CSMD1: variants seen among roughly 807,000 people sequenced by gnomAD.
CSMD1 encodes CUB and Sushi multiple domains 1.
In CSMD1, 213 loss-of-function variants were observed where a neutral mutation model predicts 417.5. The ratio of observed to expected loss-of-function variants is 0.51; its 90% confidence interval spans 0.46 to 0.57. CSMD1 has a LOEUF of 0.57. Among genes scored for constraint, CSMD1 ranks in the 20% least tolerant of loss-of-function variants. The pLI is 0.00. For synonymous variants in CSMD1, 2,862 were observed against 1,736.8 expected (o/e 1.65, Z -16.11); for missense variants, 6,923 against 4,529.7 (o/e 1.53, Z -15.17).
chr8:4,365,530 G>A (rs187049946), intron 3 of CSMD1, among the ~76,000 whole-genome samples: 1 of 152,298 alleles, frequency 6.6e-6, no homozygotes, highest in East Asian at 1.9e-4. Context: ...TAAATTCCCT[G>A]TGATATCAGA....
At chr8:4,251,855 ATGGAGGAGAGAGAGGG>A (rs1366208216) in intron 3 of CSMD1, among the ~76,000 whole-genome samples, 1 of 132,790 alleles carries the variant, frequency 7.5e-6, no homozygotes, top group Non-Finnish European at 1.6e-5. Flanking sequence ...AGGAGGAGAG[ATGGAGGAGAGAGAGGG>A]TGGAGGAAGA....
At chr8:3,584,011 C>T (rs1199908107) in intron 9 of CSMD1, among the ~76,000 whole-genome samples, 1 of 152,008 alleles carries the variant, frequency 6.6e-6, no homozygotes, top group Admixed American at 6.6e-5. Flanking sequence ...TAGTAAAACC[C>T]ATCCACTATA....
Position 3,289,278 on chromosome 8 carries a change from T to A in CSMD1, c.3951-4932A>T, listed in dbSNP as rs1212048794. On this transcript the variant is annotated intron_variant, in intron 25 of 69. Coordinates refer to ENST00000635120, the MANE Select transcript of CSMD1 (RefSeq NM_033225.6). Reference sequence around the variant, plus strand: ...TCTTTGCTATTGTGAATAGTGCCGCTATAAACATACGTGTGCATGTGTCTT... The same window carrying A: ...TCTTTGCTATTGTGAATAGTGCCGCAATAAACATACGTGTGCATGTGTCTT... Among the ~76,000 whole-genome samples the A allele has an allele frequency of 8.4e-4, 124 of 147,212 alleles. 4 individuals carry two copies. Among genetic ancestry groups the A allele is most frequent in the African/African-American group, 7.0e-4 (26 of 36,992 alleles).
At chr8:3,067,802 G>A (rs1035279455) in intron 49 of CSMD1, among the ~76,000 whole-genome samples, 1 of 151,816 alleles carries the variant, frequency 6.6e-6, no homozygotes, top group African/African-American at 2.4e-5. Context: ...TTGGTTCCAT[G>A]TGCTGTAATT....
intron 20 of CSMD1, among the ~76,000 whole-genome samples, chr8:3,362,266 C>T (rs1223401172): frequency 6.6e-6 from 1 of 152,128 alleles, no homozygotes; most frequent in Non-Finnish European, 1.5e-5. Context: ...GTTGGGTGTA[C>T]CTTCCATTTT....
intron 3 of CSMD1, among the ~76,000 whole-genome samples, chr8:4,116,274 G>T (rs1802141846): frequency 6.6e-6 from 1 of 152,094 alleles, no homozygotes; most frequent in South Asian, 2.1e-4. Flanking sequence ...GATTACAAGT[G>T]TGAGCCACCG....
At chr8:3,708,818 G>A (rs372402495) in intron 6 of CSMD1, among the ~76,000 whole-genome samples, 2 of 152,252 alleles carry the variant, frequency 1.3e-5, no homozygotes, top group Admixed American at 6.5e-5. Flanking sequence ...AAATTGTTCA[G>A]GCAGATCACT....
At chr8:3,645,944 C>T (rs1797550260) in intron 7 of CSMD1, among the ~76,000 whole-genome samples, 1 of 151,604 alleles carries the variant, frequency 6.6e-6, no homozygotes. Context: ...CTATTATCAA[C>T]AGTATCATAA....
At chr8:3,229,466 C>T (rs1005600436) in intron 27 of CSMD1, among the ~76,000 whole-genome samples, 1 of 152,122 alleles carries the variant, frequency 6.6e-6, no homozygotes, top group East Asian at 1.9e-4. Flanking sequence ...TCTCAGGTGG[C>T]TATTCAAGCC....
intron 5 of CSMD1, among the ~76,000 whole-genome samples, chr8:3,767,225 G>T (rs192176755): frequency 6.6e-6 from 1 of 152,324 alleles, no homozygotes; most frequent in East Asian, 1.9e-4. Context: ...GCTCTGGACT[G>T]AGGCCAAAGA....
At chr8:3,555,605 G>A (rs927846563) in intron 10 of CSMD1, among the ~76,000 whole-genome samples, 15 of 152,108 alleles carry the variant, frequency 9.9e-5, no homozygotes, top group Non-Finnish European at 2.1e-4. Flanking sequence ...TAATTCTACA[G>A]AACAAACTTA....
intron 1 of CSMD1, among the ~76,000 whole-genome samples, chr8:4,891,080 C>T (rs1375690546): frequency 4.6e-5 from 7 of 152,090 alleles, no homozygotes; most frequent in African/African-American, 1.7e-4. Context: ...GAATAATGGG[C>T]CATTTTCCAG....
chr8:2,993,875 T>C (rs10453152), intron 54 of CSMD1, among the ~76,000 whole-genome samples: 2 of 149,646 alleles, frequency 1.3e-5, no homozygotes, highest in Non-Finnish European at 3.0e-5. Context: ...GTTCTGAAAG[T>C]AAGAAAACAG....
At chr8:3,254,889 T>A (rs1459052694) in intron 26 of CSMD1, among the ~76,000 whole-genome samples, 1 of 152,118 alleles carries the variant, frequency 6.6e-6, no homozygotes, top group African/African-American at 2.4e-5. Context: ...TCATTCTCCA[T>A]CCAGCTTTGT....
chr8:3,591,191 A>G (rs891025737), intron 8 of CSMD1, among the ~76,000 whole-genome samples: 1 of 152,230 alleles, frequency 6.6e-6, no homozygotes, highest in South Asian at 2.1e-4. Context: ...TTGACAATAA[A>G]TATCACACAG....
intron 3 of CSMD1, among the ~76,000 whole-genome samples, chr8:4,164,563 G>C (rs989726047): frequency 6.6e-6 from 1 of 152,018 alleles, no homozygotes; most frequent in Non-Finnish European, 1.5e-5. Flanking sequence ...ACCAAGCCCC[G>C]CCCAAAATCT....
intron 1 of CSMD1, among the ~76,000 whole-genome samples, chr8:4,911,597 C>G (rs1209428070): frequency 6.6e-6 from 1 of 152,308 alleles, no homozygotes; most frequent in Middle Eastern, 3.4e-3. Flanking sequence ...TCAGAGCTCT[C>G]CTGACAGAAG....
intron 5 of CSMD1, among the ~76,000 whole-genome samples, chr8:3,969,871 A>T (rs1812960822): frequency 6.6e-6 from 1 of 152,228 alleles, no homozygotes; most frequent in South Asian, 2.1e-4. Context: ...AAGCTGTCAA[A>T]TTAGAAAGCA....
intron 6 of CSMD1, among the ~76,000 whole-genome samples, chr8:3,723,383 T>A (rs968043440): frequency 6.6e-6 from 1 of 152,198 alleles, no homozygotes; most frequent in East Asian, 1.9e-4. Flanking sequence ...AATTGAGCCA[T>A]AAGCTAATCA....
Sources: allele counts gnomAD v4.1 joint callset (sites outside exome capture counted in the v4.1 genomes callset), GRCh38; gene constraint gnomAD v4.1.1; transcripts MANE v1.5; gene names NCBI Gene and HGNC (gene_info 2026-07-23, HGNC 2026-07-21).